Variants in SGCE observed in about 807,000 individuals in gnomAD.
SGCE encodes the protein sarcoglycan epsilon.
SGCE carries 26 observed loss-of-function variants against 57.8 expected under a neutral mutation model. That is an observed-to-expected ratio of 0.45 (90% confidence interval 0.33 to 0.62). SGCE has a LOEUF of 0.62. Among genes scored for constraint, SGCE ranks in the 20% least tolerant of loss-of-function variants. The pLI, the probability that SGCE is intolerant of heterozygous loss-of-function variation, is 0.02. For missense variants in SGCE, 468 were observed against 548.6 expected (o/e 0.85, Z 1.47); for synonymous variants, 183 against 189.5 (o/e 0.97, Z 0.28).
Position 94,628,280 on chromosome 7 carries a change from G to T in SGCE, c.312C>A (p.Ile104=). ...CTCCATCACTATATGGTGTCCTTTG[G>T]ATATATCGAAGCCATCCAGGTCGGT... The part of the protein sequence containing the change: ...YPDRPGWLRY[I]QRTPYSDGVL... Residue 104 remains isoleucine, a synonymous_variant, in exon 3 of 11, where the codon ATC becomes ATA. Transcript: ENST00000648936. The T allele has an allele frequency of 6.2e-7, 1 of 1,611,056 alleles. No homozygotes were observed.
Position 94,618,974 on chromosome 7 carries a change from G to C in SGCE, c.464-18C>G. ...CGGGAAGTCTAATTTTGGTGAAAAA[G>C]GGCATGCATATCTTTAATGAAGTAG... is the stretch of plus-strand genomic sequence containing the variant. On this transcript the variant is annotated intron_variant, in intron 4 of 10. Coordinates refer to ENST00000648936, the MANE Select transcript of SGCE (RefSeq NM_003919.3). 4.0e-5 allele frequency: 62 copies of C among 1,537,742 alleles called. No homozygotes were observed. The highest frequency in any genetic ancestry group is 5.5e-5 in the Non-Finnish European group (61 of 1,110,468).
chr7:94,629,910 T>TA, intron 1 of SGCE, 69 bp from the exon 2 acceptor site: 1 of 1,580,134 alleles, frequency 6.3e-7, no homozygotes, highest in Non-Finnish European at 8.7e-7. Flanking sequence ...TAATTCAGCT[T>TA]ACGCTGTTTA....
chr7:94,623,223 G>A (rs1253382124), intron 4 of SGCE, 102 bp downstream of exon 4: 2 of 665,648 alleles, frequency 3.0e-6, no homozygotes, highest in African/African-American at 3.7e-5. Context: ...GTTATATTAG[G>A]TATGTGGCAT....
chr7:94,614,107 C>T (rs12113805), intron 5 of SGCE, among the ~76,000 whole-genome samples: 29 of 94,936 alleles, frequency 3.1e-4, no homozygotes, highest in African/African-American at 1.4e-3. Context: ...AAATTGAAAT[C>T]AAAAAAAAAA....
chr7:94,655,174 C>A (rs1248567355), intron 1 of SGCE, among the ~76,000 whole-genome samples: 1 of 152,184 alleles, frequency 6.6e-6, no homozygotes, highest in Non-Finnish European at 1.5e-5. Flanking sequence ...GAAAATGTAA[C>A]GTTGCAAGGG....
In SGCE at chr7:94,615,413, GA is replaced by G; in HGVS notation, c.662+3344del. Among the ~76,000 whole-genome samples, 5 of 136,542 alleles carry G rather than the reference GA, an allele frequency of 3.7e-5. No individual in the cohort carries two copies. In the Middle Eastern group the frequency reaches 0.019, roughly 521 times the overall value. The allele number at this position is 136,542 out of a possible 152,430, so 89.6% of individuals were successfully genotyped here. Reference sequence around the variant, plus strand: ...AGATAGATAGATAGATAGATAGATAGATAGATAGATAAAGGGCAATTCTGTA... The same window carrying G: ...AGATAGATAGATAGATAGATAGATAGTAGATAGATAAAGGGCAATTCTGTA... On this transcript the variant is annotated intron_variant, in intron 5 of 10. Transcript: ENST00000648936.
intron 3 of SGCE, chr7:94,623,609 T>C (rs1283406040): frequency 2.0e-6 from 1 of 512,614 alleles, no homozygotes; most frequent in East Asian, 3.0e-5. Context: ...TTTAATATAC[T>C]GAAACAAAAA....
chr7:94,613,740 A>G (rs1801428250), intron 5 of SGCE, among the ~76,000 whole-genome samples: 1 of 152,242 alleles, frequency 6.6e-6, no homozygotes, highest in Non-Finnish European at 1.5e-5. Context: ...TGCCCAATTA[A>G]TGAATATACT....
chr7:94,614,574 C>A (rs1801595499), intron 5 of SGCE, among the ~76,000 whole-genome samples: 1 of 152,118 alleles, frequency 6.6e-6, no homozygotes, highest in Admixed American at 6.6e-5. Context: ...AAGCCCTTTC[C>A]CCTGCATAGC....
At chr7:94,652,452 A>T (rs1206285660) in intron 1 of SGCE, among the ~76,000 whole-genome samples, 1 of 152,148 alleles carries the variant, frequency 6.6e-6, no homozygotes, top group Non-Finnish European at 1.5e-5. Context: ...TGACTTGGGA[A>T]TTTTTTTAAC....
In SGCE at chr7:94,600,785, C is replaced by T. The variant is rs1799091260; in HGVS notation, c.898G>A (p.Glu300Lys). Residue 300 changes from glutamate to lysine, a missense_variant, in exon 7 of 11, where the codon GAA becomes AAA. Coordinates refer to ENST00000648936, the MANE Select transcript of SGCE (RefSeq NM_003919.3). ...AAAGAATCAGAAGGGGGTTTGTATT[C>T]TCCACCATCAGGTAAAATCCCCTCT... Reference protein sequence around the residue: ...RGEGILPDGGEYKPPSDSLKS... With the variant: ...RGEGILPDGGKYKPPSDSLKS... 1.2e-6 allele frequency: 2 copies of T among 1,613,512 alleles called. No homozygotes were observed. Among genetic ancestry groups the T allele is most frequent in the Non-Finnish European group, 1.7e-6 (2 of 1,179,808 alleles).
chr7:94,601,443 C>CAAAAAAAAAAAAAAAAAAAAAA (rs71123905), intron 6 of SGCE, among the ~76,000 whole-genome samples: 3 of 89,336 alleles, frequency 3.4e-5, no homozygotes, highest in African/African-American at 1.2e-4. Context: ...ATCCCAGTAT[C>CAAAAAAAAAAAAAAAAAAAAAA]AAAAAAAAAA....
At chr7:94,599,097 A>G in intron 8 of SGCE, 134 bp from the exon 9 acceptor site, 2 of 642,816 alleles carry the variant, frequency 3.1e-6, no homozygotes, top group Non-Finnish European at 5.3e-6. Context: ...GGCATTCAAT[A>G]AACTATTTCA....
chr7:94,639,293 A>G, intron 1 of SGCE: 1 of 1,156,900 alleles, frequency 8.6e-7, no homozygotes. Flanking sequence ...GGAAGCAGAC[A>G]TTTAATTGGC....
chr7:94,644,872 C>A (rs1287515527), intron 1 of SGCE, among the ~76,000 whole-genome samples: 1 of 152,010 alleles, frequency 6.6e-6, no homozygotes, highest in Non-Finnish European at 1.5e-5. Flanking sequence ...TTACATTTTT[C>A]TCTCTAAAAA....
chr7:94,594,606 C>G (rs1032476664), intron 9 of SGCE: 1 of 152,034 alleles, frequency 6.6e-6, no homozygotes, highest in Non-Finnish European at 1.5e-5. Context: ...AGTCTGAAGT[C>G]TAGGTAACAG....
chr7:94,588,798 T>G, intron 9 of SGCE, 66 bp from the exon 10 acceptor site: 1 of 1,603,308 alleles, frequency 6.2e-7, no homozygotes, highest in Non-Finnish European at 8.5e-7. Flanking sequence ...AGAGCAGACA[T>G]ACTAGAATGA....
intron 1 of SGCE, among the ~76,000 whole-genome samples, chr7:94,633,478 A>C (rs765506703): frequency 5.9e-5 from 9 of 152,144 alleles, no homozygotes; most frequent in Non-Finnish European, 1.3e-4. Context: ...AATTTATCTC[A>C]TCACCATGTT....
chr7:94,616,784 T>A (rs1801993797), intron 5 of SGCE: 1 of 152,236 alleles, frequency 6.6e-6, no homozygotes, highest in African/African-American at 2.4e-5. Context: ...AGTAAGATTT[T>A]ATTTTATGAG....
Sources: gnomAD v4.1 joint callset for allele counts (sites outside exome capture counted in the v4.1 genomes callset) on GRCh38, gnomAD v4.1.1 for gene constraint, MANE v1.5 for transcripts, NCBI Gene and HGNC (gene_info 2026-07-23, HGNC 2026-07-21) for gene names.